Variants in XAF1 observed in about 807,000 individuals in gnomAD.
The protein encoded by XAF1 is XIAP associated factor 1.
In XAF1, 32 loss-of-function variants were observed where a neutral mutation model predicts 32.3. The ratio of observed to expected loss-of-function variants is 0.99; its 90% CI spans 0.75 to 1.33. XAF1 has a LOEUF of 1.33. XAF1 is among the 40% of genes most tolerant of loss of function. The probability of loss-of-function intolerance (pLI) is 0.00; values close to 1 mark genes in which losing one functional copy is unlikely to be tolerated. For missense variants in XAF1, 379 were observed against 366.0 expected (o/e 1.04, Z -0.29); for synonymous variants, 120 against 125.9 (o/e 0.95, Z 0.31).
chr17:6,755,636 A>G, upstream of XAF1: 1 of 1,024,384 alleles, frequency 9.8e-7, no homozygotes, highest in South Asian at 3.9e-5. Context: ...AGGGAACAGC[A>G]TTCAAGCTCA....
At chr17:6,760,859 G>A (rs577281038) in intron 4 of XAF1, among the ~76,000 whole-genome samples, 1 of 152,106 alleles carries the variant, frequency 6.6e-6, no homozygotes, top group Non-Finnish European at 1.5e-5. Context: ...GTTGAGTAAA[G>A]AGGCCATGGA....
At chr17:6,755,709 G>A, upstream of XAF1, 1 of 1,068,246 alleles carries the variant, frequency 9.4e-7, no homozygotes, top group Non-Finnish European at 1.1e-6. Flanking sequence ...TGGGGGAGAA[G>A]GGTGGGAGGT....
chr17:6,760,298 A>T, intron 3 of XAF1, 108 bp from the exon 4 acceptor site: 1 of 1,138,022 alleles, frequency 8.8e-7, no homozygotes, highest in Non-Finnish European at 1.2e-6. Context: ...CAGTGAGCCA[A>T]GATCAAGCCA....
chr17:6,762,118 G>A lies in XAF1; in HGVS notation c.422-37G>A, dbSNP rs563884501. 4 of 1,611,750 alleles carry A rather than the reference G, an allele frequency of 2.5e-6. No homozygotes were observed. The East Asian group carries it at 6.7e-5, about 27-fold the overall frequency. On this transcript the variant is annotated intron_variant, in intron 4 of 6. Transcript: ENST00000361842. The stretch of plus-strand genomic sequence containing the variant: ...GAGAGCTGGGCTAGCCGTTGACAAG[G>A]ACAATCATTTGTGGTGTTGTTTCTC...
intron 5 of XAF1, among the ~76,000 whole-genome samples, chr17:6,769,676 A>G (rs766317559): frequency 6.6e-6 from 1 of 152,112 alleles, no homozygotes; most frequent in African/African-American, 2.4e-5. Context: ...AGGATCCTCT[A>G]TGACCTATTT....
intron 5 of XAF1, among the ~76,000 whole-genome samples, chr17:6,770,000 AC>A (rs1975898970): frequency 6.6e-6 from 1 of 152,222 alleles, no homozygotes; most frequent in South Asian, 2.1e-4. Flanking sequence ...ATAGAGTCTT[AC>A]TTCCAAATCC....
intron 6 of XAF1, chr17:6,771,965 T>C (rs999413918): frequency 9.9e-5 from 15 of 152,238 alleles, no homozygotes; most frequent in Non-Finnish European, 1.5e-5. Context: ...CCACACATAT[T>C]ATCTTACTAT....
At chr17:6,759,551 T>C in intron 2 of XAF1, 111 bp from the exon 3 acceptor site, 2 of 1,563,944 alleles carry the variant, frequency 1.3e-6, no homozygotes, top group Non-Finnish European at 1.7e-6. Flanking sequence ...CCTCTGGGAG[T>C]TCACAGACCC....
chr17:6,765,699 G>A (rs1023738035), intron 5 of XAF1, among the ~76,000 whole-genome samples: 26 of 152,052 alleles, frequency 1.7e-4, no homozygotes, highest in African/African-American at 5.6e-4. Flanking sequence ...CTTTCCCTCC[G>A]CATTGCTACC....
intron 5 of XAF1, among the ~76,000 whole-genome samples, chr17:6,763,300 A>G (rs1474331877): frequency 6.6e-6 from 1 of 152,154 alleles, no homozygotes; most frequent in Non-Finnish European, 1.5e-5. Context: ...GGCATGTGTC[A>G]GCATTTCATT....
intron 1 of XAF1, among the ~76,000 whole-genome samples, chr17:6,757,127 G>A (rs1010161221): frequency 5.9e-5 from 9 of 151,910 alleles, no homozygotes; most frequent in East Asian, 1.9e-4. Flanking sequence ...TCAGCCTCCC[G>A]AGTAGTTGGG....
At chr17:6,762,021 A>G in intron 4 of XAF1, 134 bp from the exon 5 acceptor site, 2 of 1,547,804 alleles carry the variant, frequency 1.3e-6, no homozygotes, top group Non-Finnish European at 1.7e-6. Flanking sequence ...CCGGCAGCGC[A>G]GGAAAGTCAA....
At chr17:6,762,974 C>CT (rs1567653678) in intron 5 of XAF1, among the ~76,000 whole-genome samples, 3 of 152,238 alleles carry the variant, frequency 2.0e-5, no homozygotes. Context: ...TTTTCTTTTT[C>CT]TTTTTACTAT....
In XAF1 at chr17:6,775,059, A is replaced by G. The variant is rs1179631191; in HGVS notation, c.*1890A>G. ...CTGCCTTAAAAAAAAAAAAAAGAAA[A>G]TGTGGCACATATACACCATGGAATA... On this transcript the variant is annotated 3_prime_UTR_variant, in exon 7 of 7. Transcript: ENST00000361842. 1 of 151,994 alleles carries G rather than the reference A, an allele frequency of 6.6e-6. No individual in the cohort carries two copies. The highest frequency in any genetic ancestry group is 1.9e-4 in the East Asian group (1 of 5,182). The allele number at this position is 151,994 out of a possible 1,614,324, so 9.4% of individuals were successfully genotyped here.
rs1975264428 is a variant in XAF1, at chr17:6,762,198, T to C, written c.465T>C (p.Tyr155=). 1 of 1,613,654 alleles carries C rather than the reference T, an allele frequency of 6.2e-7. No homozygotes were observed. Among genetic ancestry groups the C allele is most frequent in the Non-Finnish European group, 8.5e-7 (1 of 1,179,854 alleles). ...SAPEREIYCH[Y]CNQMIPENKY... is the part of the protein sequence containing the mutation. ...CTGAAAGGGAAATCTACTGTCATTA[T>C]TGCAACCAAATGATTCCAGAAAATA... The change falls in exon 5 of 7, where the codon TAT becomes TAC. Residue 155 remains tyrosine, a synonymous_variant. Coordinates refer to ENST00000361842, the MANE Select transcript of XAF1 (RefSeq NM_017523.5).
chr17:6,760,012 C>T (rs1975052073), intron 3 of XAF1: 5 of 548,208 alleles, frequency 9.1e-6, no homozygotes, highest in South Asian at 6.3e-5. Flanking sequence ...GCCCTAATTC[C>T]CTAGGGAGAT....
At chr17:6,771,261 G>T in intron 6 of XAF1, 1 of 346,408 alleles carries the variant, frequency 2.9e-6, no homozygotes, top group Non-Finnish European at 5.3e-6. Flanking sequence ...CTAGGCCAGG[G>T]ATTGATTTGG....
chr17:6,770,904 G>C lies in XAF1; in HGVS notation c.769G>C (p.Asp257His), dbSNP rs531093792. 1.9e-6 allele frequency: 3 copies of C among 1,614,176 alleles called. No homozygotes were observed. Among genetic ancestry groups the C allele is most frequent in the East Asian group, 2.2e-5 (1 of 44,882 alleles). The change falls in exon 6 of 7, where the codon GAT (aspartate) becomes CAT (histidine). Residue 257 changes from aspartate (D) to histidine (H), a missense_variant. Asp to His is a moderately conservative substitution (Grantham distance 81). Coordinates refer to ENST00000361842, the MANE Select transcript of XAF1 (RefSeq NM_017523.5). ...PKPRTSSPRG[D>H]KAAYDILRRC... ...GCCCAGGACCAGCTCCCCTAGAGGA[G>C]ATAAAGCAGCCTATGACATTCTGAG...
At chr17:6,766,697 A>G (rs981067101) in intron 5 of XAF1, among the ~76,000 whole-genome samples, 4 of 152,174 alleles carry the variant, frequency 2.6e-5, no homozygotes, top group Admixed American at 6.5e-5. Context: ...TTTTACCTGG[A>G]CTTAATAATT....
Sources: allele counts gnomAD v4.1 joint callset (sites outside exome capture counted in the v4.1 genomes callset), GRCh38; gene constraint gnomAD v4.1.1; transcripts MANE v1.5; gene names NCBI Gene and HGNC (gene_info 2026-07-23, HGNC 2026-07-21).